The following CSMD1 variants were observed in gnomAD, a reference collection of about 807,000 sequenced individuals.
The protein encoded by CSMD1 is CUB and Sushi multiple domains 1.
Under a neutral mutation model 417.5 loss-of-function variants are expected in CSMD1, and 213 were observed. That is an observed-to-expected ratio of 0.51 (90% CI 0.46 to 0.57). The LOEUF (loss-of-function observed/expected upper bound fraction) is 0.57. Among genes scored for constraint, CSMD1 ranks in the 20% least tolerant of loss-of-function variants. CSMD1 has a pLI of 0.00. For missense variants in CSMD1, 6,923 were observed against 4,529.7 expected (o/e 1.53, Z -15.17); for synonymous variants, 2,862 against 1,736.8 (o/e 1.65, Z -16.11).
chr8:3,700,879 A>G (rs1424086036), intron 7 of CSMD1, among the ~76,000 whole-genome samples: 1 of 152,112 alleles, frequency 6.6e-6, no homozygotes, highest in African/African-American at 2.4e-5. Flanking sequence ...TCTGGAGAAG[A>G]GGAAGGATGT....
At chr8:2,991,573 T>C (rs571148057) in intron 54 of CSMD1, among the ~76,000 whole-genome samples, 1 of 152,306 alleles carries the variant, frequency 6.6e-6, no homozygotes, top group South Asian at 2.1e-4. Context: ...ACAGACGTGG[T>C]TCAAAATTGC....
intron 47 of CSMD1, among the ~76,000 whole-genome samples, chr8:3,092,870 G>A (rs1477300654): frequency 1.3e-5 from 2 of 151,596 alleles, no homozygotes; most frequent in African/African-American, 4.8e-5. Context: ...CACTCCTAGG[G>A]AACACATTAT....
intron 2 of CSMD1, among the ~76,000 whole-genome samples, chr8:4,443,242 G>A (rs1179304487): frequency 3.9e-5 from 6 of 152,078 alleles, no homozygotes; most frequent in African/African-American, 9.7e-5. Context: ...GTTTTAAGAT[G>A]GATAATGTCA....
chr8:4,631,438 G>A (rs1163734827), intron 2 of CSMD1, among the ~76,000 whole-genome samples: 1 of 150,656 alleles, frequency 6.6e-6, no homozygotes, highest in Non-Finnish European at 1.5e-5. Flanking sequence ...TCTGTGAATG[G>A]CTCCCTTAGG....
chr8:3,528,090 C>T (rs539218167), intron 10 of CSMD1, among the ~76,000 whole-genome samples: 5 of 152,260 alleles, frequency 3.3e-5, no homozygotes, highest in South Asian at 2.1e-4. Context: ...ACCACTGATA[C>T]AGGGGGAAAT....
intron 2 of CSMD1, among the ~76,000 whole-genome samples, chr8:4,521,211 C>G (rs1218657632): frequency 6.6e-6 from 1 of 151,818 alleles, no homozygotes; most frequent in Non-Finnish European, 1.5e-5. Context: ...TATAAAAATA[C>G]TAAAATGTAA....
chr8:4,241,869 G>A (rs984543030), intron 3 of CSMD1, among the ~76,000 whole-genome samples: 17 of 152,126 alleles, frequency 1.1e-4, no homozygotes, highest in African/African-American at 4.1e-4. Flanking sequence ...CAAAAAAAGA[G>A]AGAAAGATGG....
At chr8:4,637,771 C>A (rs986325265) in intron 1 of CSMD1, among the ~76,000 whole-genome samples, 4 of 150,574 alleles carry the variant, frequency 2.7e-5, no homozygotes, top group African/African-American at 7.3e-5. Context: ...CCCGGGTTCA[C>A]GCCATTCTCC....
intron 4 of CSMD1, among the ~76,000 whole-genome samples, chr8:4,001,031 T>A (rs1815629619): frequency 1.4e-5 from 2 of 141,964 alleles, no homozygotes; most frequent in African/African-American, 5.2e-5. Context: ...CCCCTTTCAA[T>A]GTTTCAGAGG....
At chr8:3,681,652 C>A (rs900776524) in intron 7 of CSMD1, among the ~76,000 whole-genome samples, 4 of 152,134 alleles carry the variant, frequency 2.6e-5, no homozygotes, top group African/African-American at 9.7e-5. Context: ...CCCCATCAAG[C>A]TACCAATGAC....
In CSMD1 at chr8:3,947,200, C is replaced by G. The variant is rs113638222; in HGVS notation, c.818+50703G>C. On this transcript the variant is annotated intron_variant, in intron 5 of 69. Transcript: ENST00000635120. ...CCTTTACTGGGTTCAGGAGGTTTCT[C>G]TCAGTTCCTAGTCAGCTGAAAAGCT... 3.7e-3 allele frequency among the ~76,000 whole-genome samples: 563 copies of G among 152,296 alleles called. 1 individual carries two copies. The highest frequency in any genetic ancestry group is 5.9e-3 in the Non-Finnish European group (403 of 68,020).
At chr8:3,712,396 G>GAGAGAA (rs1394460224) in intron 6 of CSMD1, among the ~76,000 whole-genome samples, 758 of 63,982 alleles carry the variant, frequency 0.012, 6 homozygotes, top group Non-Finnish European at 0.019. Context: ...GAGAGAGAGA[G>GAGAGAA]AGAGACAGAC....
intron 3 of CSMD1, among the ~76,000 whole-genome samples, chr8:4,405,551 T>C (rs1804947897): frequency 6.6e-6 from 1 of 152,136 alleles, no homozygotes; most frequent in African/African-American, 2.4e-5. Flanking sequence ...CATGAAACCA[T>C]CACCATGGAT....
intron 1 of CSMD1, among the ~76,000 whole-genome samples, chr8:4,715,613 A>G (rs565405607): frequency 2.6e-5 from 4 of 152,314 alleles, no homozygotes; most frequent in Middle Eastern, 6.8e-3. Context: ...AACGTGAACA[A>G]AAATGATCTC....
At chr8:4,639,801 T>C (rs1256872689) in intron 1 of CSMD1, among the ~76,000 whole-genome samples, 1 of 152,092 alleles carries the variant, frequency 6.6e-6, no homozygotes, top group African/African-American at 2.4e-5. Context: ...CTTGTGGGAG[T>C]TGGCAAAATC....
chr8:3,437,873 G>A (rs924503588), intron 12 of CSMD1, among the ~76,000 whole-genome samples: 4 of 151,742 alleles, frequency 2.6e-5, no homozygotes, highest in Admixed American at 6.6e-5. Flanking sequence ...TCAGCCACCC[G>A]AGTAGCTGGG....
chr8:4,561,485 C>G (rs2130612942), intron 2 of CSMD1, among the ~76,000 whole-genome samples: 1 of 152,270 alleles, frequency 6.6e-6, no homozygotes, highest in South Asian at 2.1e-4. Flanking sequence ...GAGTTCAGGA[C>G]CACCCTGGGC....
chr8:4,622,041 C>T (rs12335231), intron 2 of CSMD1, among the ~76,000 whole-genome samples: 10,392 of 151,816 alleles, frequency 0.068, 647 homozygotes, highest in African/African-American at 0.16. Flanking sequence ...AGATAAAGAA[C>T]ATTTGTGAAA....
chr8:3,487,421 T>A (rs2117272519), intron 11 of CSMD1, among the ~76,000 whole-genome samples: 1 of 152,210 alleles, frequency 6.6e-6, no homozygotes, highest in Non-Finnish European at 1.5e-5. Context: ...CAGGATGGTC[T>A]CGTTCTCCTG....
Sources: allele counts gnomAD v4.1 joint callset (sites outside exome capture counted in the v4.1 genomes callset), GRCh38; gene constraint gnomAD v4.1.1; transcripts MANE v1.5; gene names NCBI Gene and HGNC (gene_info 2026-07-23, HGNC 2026-07-21).